Variants in PGM1 observed in about 807,000 individuals in gnomAD.
The protein encoded by PGM1 is phosphoglucomutase 1.
In PGM1, 52 loss-of-function variants were observed where a neutral mutation model predicts 55.6. That is an observed-to-expected ratio of 0.94 (90% confidence interval 0.75 to 1.18). The LOEUF (loss-of-function observed/expected upper bound fraction) is 1.18. PGM1 is among the 50% of genes most tolerant of loss of function. The probability of loss-of-function intolerance (pLI) is 0.00; values close to 1 mark genes in which losing one functional copy is unlikely to be tolerated. For synonymous variants in PGM1, 287 were observed against 271.7 expected, an observed-to-expected ratio of 1.06 and a Z score of -0.55; for missense variants, 724 against 729.3, an observed-to-expected ratio of 0.99 and a Z score of 0.08.
intron 4 of PGM1, among the ~76,000 whole-genome samples, chr1:63,634,071 C>T (rs1340023904): frequency 2.0e-5 from 3 of 149,838 alleles, no homozygotes; most frequent in Admixed American, 6.7e-5. Context: ...TGTGAGCCAC[C>T]GTACCTGGCC....
At chr1:63,631,921 A>G in intron 4 of PGM1, 139 bp downstream of exon 4, 2 of 835,150 alleles carry the variant, frequency 2.4e-6, no homozygotes, top group Middle Eastern at 2.3e-4. Context: ...CAACCAGAGC[A>G]ATATTCACAC....
chr1:63,642,633 G>C (rs930289005), intron 7 of PGM1, among the ~76,000 whole-genome samples: 2 of 152,178 alleles, frequency 1.3e-5, no homozygotes, highest in African/African-American at 2.4e-5. Context: ...GCTTGGGAAA[G>C]AGCGATGGGA....
intron 7 of PGM1, 65 bp downstream of exon 7, chr1:63,638,865 C>T (rs1649436018): frequency 8.8e-7 from 1 of 1,134,202 alleles, no homozygotes; most frequent in Non-Finnish European, 1.3e-6. Context: ...AAAGCTTAGA[C>T]TGCTAAGGTA....
rs140086116 is a variant in PGM1 at position 63,629,427 on chromosome 1, C to T, written c.249C>T (p.Ile83=). ...GTGTTCTGGATTTCTTCTCCTAGAT[C>T]GGTCGCTTGGTTATCGGACAGAATG... ...LIARIAAANG[I]GRLVIGQNGI... Residue 83 remains isoleucine, a splice_region_variant and synonymous_variant, in exon 2 of 11, where the codon ATC becomes ATT. Transcript: ENST00000371084. The T allele has an allele frequency of 1.4e-4, 232 of 1,612,748 alleles. No individual in the cohort carries two copies. The highest frequency in any genetic ancestry group is 4.1e-4 in the African/African-American group (31 of 74,832).
In PGM1 at chr1:63,654,337, G is replaced by A. The variant is rs1287415318; in HGVS notation, c.1470G>A (p.Leu490=). The change falls in exon 10 of 11, where the codon TTG becomes TTA. Residue 490 remains leucine, a synonymous_variant. Coordinates refer to ENST00000371084, the MANE Select transcript of PGM1 (RefSeq NM_002633.3). The part of the protein sequence containing the change: ...VDGSISRNQG[L]RLIFTDGSRI... ...TCTCTGCTTATCTTTTCCAGGGCTTGCGCCTCATTTTCACAGATGGTTCTC... is the reference window on the plus strand; with the variant it reads ...TCTCTGCTTATCTTTTCCAGGGCTTACGCCTCATTTTCACAGATGGTTCTC... The A allele has an allele frequency of 1.2e-6, 2 of 1,613,842 alleles. No individual in the cohort carries two copies. Among genetic ancestry groups the A allele is most frequent in the Non-Finnish European group, 1.7e-6 (2 of 1,179,862 alleles).
At chr1:63,647,043 G>C (rs1462319177) in intron 7 of PGM1, among the ~76,000 whole-genome samples, 2 of 151,698 alleles carry the variant, frequency 1.3e-5, no homozygotes, top group East Asian at 3.9e-4. Context: ...AGGAGTTCGA[G>C]ACCAGCCTGG....
At chr1:63,623,407 G>A in intron 1 of PGM1, 1 of 1,574,736 alleles carries the variant, frequency 6.4e-7, no homozygotes. Flanking sequence ...CTATTTTGGA[G>A]TCCCTTGACT....
At chr1:63,615,547 CTTCTTTTTTTTT>C (rs1648687214) in intron 1 of PGM1, among the ~76,000 whole-genome samples, 3 of 96,110 alleles carry the variant, frequency 3.1e-5, no homozygotes, top group African/African-American at 1.4e-4. Context: ...TCTTCTTCTT[CTTCTTTTTTTTT>C]TTTTTTTTTT....
In PGM1 at chr1:63,623,496, T is replaced by C. The variant is rs759014526; in HGVS notation, c.247-5929T>C. On this transcript the variant is annotated intron_variant, in intron 1 of 10. Coordinates refer to ENST00000371084, the MANE Select transcript of PGM1 (RefSeq NM_002633.3). ...TTGAAGAATGGATTTCTGGGACATA[T>C]AGAAAAATGGAAGAAGGTCCTCTCC... is the stretch of plus-strand genomic sequence containing the variant. 23 of 1,612,442 alleles carry C rather than the reference T, an allele frequency of 1.4e-5. No individual in the cohort carries two copies. The highest frequency in any genetic ancestry group is 1.3e-4 in the Admixed American group (8 of 59,956).
intron 1 of PGM1, among the ~76,000 whole-genome samples, chr1:63,595,417 C>T (rs1648033234): frequency 6.6e-6 from 1 of 152,226 alleles, no homozygotes; most frequent in South Asian, 2.1e-4. Context: ...AGCCCTTGAT[C>T]TTGAAGATCT....
At chr1:63,647,058 C>A (rs1489157778) in intron 7 of PGM1, among the ~76,000 whole-genome samples, 1 of 151,684 alleles carries the variant, frequency 6.6e-6, no homozygotes, top group Non-Finnish European at 1.5e-5. Flanking sequence ...GCCTGGCCAA[C>A]ATGGCGAAAC....
intron 1 of PGM1, among the ~76,000 whole-genome samples, chr1:63,609,418 T>C (rs1648507698): frequency 1.3e-5 from 2 of 152,042 alleles, no homozygotes; most frequent in South Asian, 4.1e-4. Flanking sequence ...CTGTGCACAG[T>C]GGTTGGGGGT....
chr1:63,604,418 T>A (rs1169050045), intron 1 of PGM1, among the ~76,000 whole-genome samples: 1 of 152,236 alleles, frequency 6.6e-6, no homozygotes, highest in Admixed American at 6.5e-5. Flanking sequence ...AGATGGCTTC[T>A]ACTACCACAT....
chr1:63,594,960 C>CAAAAAAAAAAAAAA (rs56084088), intron 1 of PGM1, among the ~76,000 whole-genome samples: 1 of 93,110 alleles, frequency 1.1e-5, no homozygotes, highest in African/African-American at 4.2e-5. Flanking sequence ...GACTCCGTCT[C>CAAAAAAAAAAAAAA]AAAAAAAAAA....
In PGM1 at chr1:63,604,065, C is replaced by T. The variant is rs544026506; in HGVS notation, c.246+10331C>T. ...GCACTTATGCCCTGTGCCTTTCTAC[C>T]GGGCTTATATTTGAAATCTCAGATT... On this transcript the variant is annotated intron_variant, in intron 1 of 10. Transcript: ENST00000371084. 9.2e-5 allele frequency among the ~76,000 whole-genome samples: 14 copies of T among 152,254 alleles called. No homozygotes were observed. In the South Asian group the frequency reaches 1.0e-3, roughly 11 times the overall value.
intron 9 of PGM1, 77 bp downstream of exon 9, chr1:63,651,929 A>C: frequency 7.3e-7 from 1 of 1,374,948 alleles, no homozygotes; most frequent in Non-Finnish European, 1.0e-6. Flanking sequence ...AAAATTAAAA[A>C]GTTCCTGTTG....
chr1:63,636,393 G>GTGTC lies in PGM1; in HGVS notation c.1028+7_1028+10dup. 6.2e-7 allele frequency: 1 copy of GTGTC among 1,613,874 alleles called. No homozygotes were observed. On this transcript the variant is annotated splice_donor_region_variant and intron_variant, in intron 6 of 10. Coordinates refer to ENST00000371084, the MANE Select transcript of PGM1 (RefSeq NM_002633.3). The stretch of plus-strand genomic sequence containing the variant: ...CACGAGTGGTGCTCTGGACCGGTAG[G>GTGTC]TGTCTCCATTCCCTTGGCCTTCCTG...
intron 8 of PGM1, 99 bp downstream of exon 8, chr1:63,648,751 A>C (rs1570512996): frequency 1.6e-5 from 21 of 1,282,726 alleles, no homozygotes; most frequent in Admixed American, 3.4e-5. Flanking sequence ...TGCTAATAAA[A>C]CCCTAGGTCA....
chr1:63,637,503 G>C (rs1045471245), intron 6 of PGM1, among the ~76,000 whole-genome samples: 2 of 152,188 alleles, frequency 1.3e-5, no homozygotes, highest in African/African-American at 4.8e-5. Context: ...GTGGTTTGTA[G>C]TTTGTATAGT....
Sources: allele counts gnomAD v4.1 joint callset (sites outside exome capture counted in the v4.1 genomes callset), GRCh38; gene constraint gnomAD v4.1.1; transcripts MANE v1.5; gene names NCBI Gene and HGNC (gene_info 2026-07-23, HGNC 2026-07-21).